Variants in NEXN observed in about 807,000 individuals in gnomAD.
NEXN encodes the protein nexilin F-actin binding protein.
Under a neutral mutation model 92.6 loss-of-function variants are expected in NEXN, and 65 were observed. The observed-to-expected ratio is 0.70, with a 90% CI of 0.57 to 0.86. The LOEUF is 0.86. Ranked by LOEUF, NEXN falls within the 40% of genes least tolerant of loss-of-function variation. The pLI is 0.00. For missense variants in NEXN, 778 were observed against 771.1 expected (o/e 1.01, Z -0.11); for synonymous variants, 254 against 242.5 (o/e 1.05, Z -0.44).
At chr1:77,918,063 TA>T in intron 4 of NEXN, 25 bp downstream of exon 4, 2 of 1,612,534 alleles carry the variant, frequency 1.2e-6, no homozygotes, top group African/African-American at 1.3e-5. Context: ...GGGTAAATAG[TA>T]AATTAAATTG....
Position 77,918,037 on chromosome 1 carries a change from A to G in NEXN, c.297A>G (p.Thr99=). The G allele has an allele frequency of 2.5e-6, 4 of 1,613,266 alleles. No homozygotes were observed. Among genetic ancestry groups the G allele is most frequent in the Non-Finnish European group, 3.4e-6 (4 of 1,179,268 alleles). Residue 99 remains threonine (T), a splice_region_variant and synonymous_variant, in exon 4 of 13, where the codon ACA becomes ACG. Coordinates refer to ENST00000334785, the MANE Select transcript of NEXN (RefSeq NM_144573.4). Reference sequence around the variant, plus strand: ...AAAAGGCTTATGTTCCAAAATTAACAGGTAAGAAGCTTGAGGGGTAAATAG... The same window carrying G: ...AAAAGGCTTATGTTCCAAAATTAACGGGTAAGAAGCTTGAGGGGTAAATAG... ...KVEKAYVPKL[T]GTVKGRFAEM... is the part of the protein sequence containing the mutation.
chr1:77,906,996 G>A (rs1167115328), intron 1 of NEXN, among the ~76,000 whole-genome samples: 1 of 152,152 alleles, frequency 6.6e-6, no homozygotes, highest in East Asian at 1.9e-4. Flanking sequence ...ACCTTGAAGT[G>A]TTGTTGTAGG....
intron 1 of NEXN, among the ~76,000 whole-genome samples, chr1:77,895,340 C>G (rs899098750): frequency 6.6e-6 from 1 of 151,940 alleles, no homozygotes; most frequent in Non-Finnish European, 1.5e-5. Context: ...CCACCGCGCC[C>G]GGTCACCTAT....
At chr1:77,923,867 G>A (rs185389846) in intron 5 of NEXN, among the ~76,000 whole-genome samples, 2,350 of 151,604 alleles carry the variant, frequency 0.016, 51 homozygotes, top group African/African-American at 0.053. Flanking sequence ...TAGTAGAGAC[G>A]GGGTTTCACC....
Position 77,942,572 on chromosome 1 carries a change from A to C in NEXN, c.1771A>C (p.Thr591Pro), listed in dbSNP as rs369019618. Residue 591 changes from threonine to proline, a missense_variant, in exon 13 of 13, where the codon ACA becomes CCA. Thr to Pro is a conservative substitution (Grantham distance 38). Coordinates refer to ENST00000334785, the MANE Select transcript of NEXN (RefSeq NM_144573.4). ...ATGGTTCAAGAAGCCTCTTAAAAAC[A>C]CATCAGTTGTAGACAGTGAGCCAGT... is the stretch of plus-strand genomic sequence containing the variant. ...APWFKKPLKN[T>P]SVVDSEPVRF... 11 of 1,613,840 alleles carry C rather than the reference A, an allele frequency of 6.8e-6. No homozygotes were observed. Among genetic ancestry groups the C allele is most frequent in the Non-Finnish European group, 9.3e-6 (11 of 1,179,748 alleles).
intron 1 of NEXN, among the ~76,000 whole-genome samples, chr1:77,912,661 TG>T (rs1300847595): frequency 6.6e-6 from 1 of 152,194 alleles, no homozygotes; most frequent in Non-Finnish European, 1.5e-5. Context: ...TATAATCAAC[TG>T]ATCTTTGACA....
At chr1:77,898,310 GAGATAT>G (rs1005928461) in intron 1 of NEXN, among the ~76,000 whole-genome samples, 3 of 152,166 alleles carry the variant, frequency 2.0e-5, no homozygotes, top group African/African-American at 7.2e-5. Context: ...TACCAAAACA[GAGATAT>G]AGATCAATGG....
rs1032884160 is a variant in NEXN, at chr1:77,933,029, C to T, written c.1054-253C>T. 41 of 321,514 alleles carry T rather than the reference C, an allele frequency of 1.3e-4. 1 individual carries two copies. Among genetic ancestry groups the T allele is most frequent in the South Asian group, 3.8e-4 (11 of 28,760 alleles). 19.9% of individuals were successfully genotyped at this position (321,514 alleles called of 1,614,324 possible). ...ATACAAAATTAGCCGGGCGTGGTGG[C>T]GCATGCCTGTAATCCCAGCTACTTG... On this transcript the variant is annotated intron_variant, in intron 9 of 12. Coordinates refer to ENST00000334785, the MANE Select transcript of NEXN (RefSeq NM_144573.4).
At chr1:77,927,972 G>T (rs1346480778) in intron 8 of NEXN, among the ~76,000 whole-genome samples, 3 of 151,940 alleles carry the variant, frequency 2.0e-5, no homozygotes, top group Non-Finnish European at 2.9e-5. Flanking sequence ...TCAACAGAAA[G>T]TAAAACTGAA....
chr1:77,898,292 G>A (rs887953840), intron 1 of NEXN, among the ~76,000 whole-genome samples: 3 of 152,246 alleles, frequency 2.0e-5, no homozygotes, highest in African/African-American at 4.8e-5. Context: ...AAAACAGCAC[G>A]GTACTGGTAC....
intron 5 of NEXN, 90 bp from the exon 6 acceptor site, chr1:77,925,098 A>C: frequency 1.2e-6 from 1 of 817,352 alleles, no homozygotes; most frequent in Non-Finnish European, 2.0e-6. Flanking sequence ...ATTTACTATA[A>C]GTCACAACTA....
At chr1:77,937,720 T>A (rs1475043187) in intron 11 of NEXN, among the ~76,000 whole-genome samples, 1 of 152,086 alleles carries the variant, frequency 6.6e-6, no homozygotes, top group Non-Finnish European at 1.5e-5. Context: ...TAAAAAAAAT[T>A]ATTTGAATGA....
chr1:77,938,934 G>C (rs978523574), intron 11 of NEXN, among the ~76,000 whole-genome samples: 1 of 152,292 alleles, frequency 6.6e-6, no homozygotes. Flanking sequence ...GCTAGTTAAT[G>C]AAAGTCTTTT....
intron 1 of NEXN, among the ~76,000 whole-genome samples, chr1:77,900,599 GT>G (rs371414698): frequency 1.8e-3 from 267 of 152,254 alleles, no homozygotes; most frequent in African/African-American, 6.0e-3. Flanking sequence ...GATAAATTGT[GT>G]ATGGGTTATA....
chr1:77,930,276 C>G (rs972489477), intron 9 of NEXN, among the ~76,000 whole-genome samples: 4 of 152,156 alleles, frequency 2.6e-5, no homozygotes, highest in African/African-American at 9.7e-5. Context: ...ACGTGGAAGC[C>G]TGAAACACTT....
rs1651485562 is a variant in NEXN, at chr1:77,942,717, T to C, written c.1916T>C (p.Leu639Pro). Residue 639 changes from leucine (L) to proline (P), a missense_variant, in exon 13 of 13, where the codon CTT (leucine) becomes CCT (proline). By Grantham distance (98) the Leu-to-Pro change is moderately conservative. This residue lies in a region of NEXN where 532 missense variants were observed against 476.7 expected (regional missense o/e 1.12). Transcript: ENST00000334785. ...QYIERGETYC[L>P]YLPETFPEDG... is the part of the protein sequence containing the mutation. ...ATTGAAAGGGGAGAAACTTACTGCC[T>C]TTACTTACCAGAAACTTTCCCAGAA... 6.2e-7 allele frequency: 1 copy of C among 1,613,632 alleles called. No homozygotes were observed. Among genetic ancestry groups the C allele is most frequent in the African/African-American group, 1.3e-5 (1 of 74,898 alleles).
chr1:77,891,196 A>G (rs1647098150), intron 1 of NEXN, among the ~76,000 whole-genome samples: 1 of 152,112 alleles, frequency 6.6e-6, no homozygotes, highest in African/African-American at 2.4e-5. Context: ...TCCACCTTAA[A>G]TTTTAGTTTA....
chr1:77,927,086 C>T (rs1649909477), intron 8 of NEXN, among the ~76,000 whole-genome samples, 194 bp downstream of exon 8: 1 of 152,000 alleles, frequency 6.6e-6, no homozygotes, highest in Admixed American at 6.6e-5. Context: ...CTTTGGGAGG[C>T]CAAGGTGGGT....
At chr1:77,906,112 T>C (rs559359716) in intron 1 of NEXN, among the ~76,000 whole-genome samples, 54 of 150,968 alleles carry the variant, frequency 3.6e-4, no homozygotes, top group Non-Finnish European at 7.2e-4. Context: ...AGAGAAGGAA[T>C]GCTCAGAGAC....
Sources: gnomAD v4.1 joint callset for allele counts (sites outside exome capture counted in the v4.1 genomes callset) on GRCh38, gnomAD v4.1.1 for gene constraint, gnomAD v4.1.1 regional missense constraint, MANE v1.5 for transcripts, NCBI Gene and HGNC (gene_info 2026-07-23, HGNC 2026-07-21) for gene names.